Variants in CTNND2 observed in about 807,000 individuals in gnomAD.
CTNND2 encodes the protein catenin delta-2.
CTNND2 carries 22 observed loss-of-function variants against 144.4 expected under a neutral mutation model. The observed-to-expected ratio is 0.15, with a 90% CI of 0.11 to 0.22. The LOEUF is 0.22. CTNND2 is among the 10% of genes least tolerant of loss of function. The pLI is 1.00. For missense variants in CTNND2, 1,353 were observed against 1,618.8 expected (o/e 0.84, Z 2.82); for synonymous variants, 751 against 695.6 (o/e 1.08, Z -1.25).
chr5:11,660,973 A>T (rs1783170035), intron 2 of CTNND2, among the ~76,000 whole-genome samples: 1 of 152,166 alleles, frequency 6.6e-6, no homozygotes. Flanking sequence ...TTTCTGAAAC[A>T]TGGCTACTCA....
rs61750687 is a variant in CTNND2 at position 11,362,026 on chromosome 5, A to G, written c.1372+2670T>C. Among the ~76,000 whole-genome samples the G allele has an allele frequency of 7.9e-5, 12 of 152,286 alleles. No individual in the cohort carries two copies. The East Asian group carries it at 2.3e-3, about 29-fold the overall frequency. ...CCCTCAGCCACTCATCTGAGCTAAG[A>G]GCCAGAGACCATGAACATTTTCAGG... On this transcript the variant is annotated intron_variant, in intron 8 of 21. Transcript: ENST00000304623.
At chr5:11,185,385 C>T (rs910569903) in intron 11 of CTNND2, among the ~76,000 whole-genome samples, 5 of 152,200 alleles carry the variant, frequency 3.3e-5, no homozygotes, top group African/African-American at 9.6e-5. Context: ...CCTTGTAGTG[C>T]TGCTCAGGCA....
At chr5:11,489,850 C>T (rs184750638) in intron 3 of CTNND2, among the ~76,000 whole-genome samples, 2 of 152,240 alleles carry the variant, frequency 1.3e-5, no homozygotes, top group East Asian at 1.9e-4. Flanking sequence ...GAAACAACAA[C>T]TTAGTGAATG....
intron 2 of CTNND2, among the ~76,000 whole-genome samples, chr5:11,708,966 C>T (rs1164400598): frequency 1.3e-5 from 2 of 152,100 alleles, no homozygotes; most frequent in Non-Finnish European, 2.9e-5. Context: ...CTTTGAGATT[C>T]GCACAAATTG....
chr5:11,782,352 A>G (rs1202494167), intron 1 of CTNND2, among the ~76,000 whole-genome samples: 1 of 152,176 alleles, frequency 6.6e-6, no homozygotes, highest in Non-Finnish European at 1.5e-5. Context: ...AATACAAAAA[A>G]AAAGCTGACC....
At chr5:11,518,646 T>C (rs1772423935) in intron 3 of CTNND2, among the ~76,000 whole-genome samples, 1 of 152,200 alleles carries the variant, frequency 6.6e-6, no homozygotes, top group Admixed American at 6.5e-5. Flanking sequence ...AAATCTTTTA[T>C]ATTTTATACT....
intron 16 of CTNND2, among the ~76,000 whole-genome samples, chr5:11,050,267 T>C (rs2008348): frequency 0.018 from 2,806 of 152,170 alleles, 92 homozygotes; most frequent in African/African-American, 0.063. Flanking sequence ...CCCAGAAGTG[T>C]CCACCACCTC....
rs560320241 is a variant in CTNND2, at chr5:11,744,320, C to T, written c.38-12048G>A. ...CCCAGGCAAGCTTGTGACTTGAGAG[C>T]CAGAGCCAACACCACAGGTGAAGCA... On this transcript the variant is annotated intron_variant, in intron 1 of 21. Transcript: ENST00000304623. 3.9e-5 allele frequency among the ~76,000 whole-genome samples: 6 copies of T among 152,300 alleles called. No individual in the cohort carries two copies. In the South Asian group the frequency reaches 6.2e-4, roughly 16 times the overall value.
chr5:11,684,435 A>C (rs1784555270), intron 2 of CTNND2, among the ~76,000 whole-genome samples: 1 of 152,198 alleles, frequency 6.6e-6, no homozygotes, highest in African/African-American at 2.4e-5. Flanking sequence ...GAAATAGTGT[A>C]AATATTTAAT....
At chr5:11,359,902 G>A (rs1425055994) in intron 8 of CTNND2, among the ~76,000 whole-genome samples, 1 of 152,154 alleles carries the variant, frequency 6.6e-6, no homozygotes, top group Non-Finnish European at 1.5e-5. Context: ...AGTGAAATTT[G>A]TTTCTGTCAC....
At chr5:10,984,418 T>C (rs991777264) in intron 20 of CTNND2, among the ~76,000 whole-genome samples, 1 of 152,238 alleles carries the variant, frequency 6.6e-6, no homozygotes, top group Admixed American at 6.5e-5. Context: ...CAGAATTAAA[T>C]GCATATATTT....
intron 6 of CTNND2, 60 bp from the exon 7 acceptor site, chr5:11,385,289 C>T (rs936080731): frequency 2.0e-6 from 2 of 1,023,858 alleles, no homozygotes; most frequent in Admixed American, 5.6e-5. Flanking sequence ...ACGGCCCACC[C>T]GGCCCAGCCC....
At chr5:11,150,079 G>T (rs1561387072) in intron 12 of CTNND2, among the ~76,000 whole-genome samples, 1 of 152,194 alleles carries the variant, frequency 6.6e-6, no homozygotes, top group Non-Finnish European at 1.5e-5. Flanking sequence ...GCCCCACGGG[G>T]CTGTGCAGGA....
intron 10 of CTNND2, among the ~76,000 whole-genome samples, chr5:11,216,075 T>C (rs1299328049): frequency 2.0e-5 from 3 of 152,142 alleles, no homozygotes; most frequent in Non-Finnish European, 4.4e-5. Flanking sequence ...TGGTAAAAAA[T>C]CCTGAATCTT....
chr5:11,390,699 C>T (rs1001361924), intron 6 of CTNND2, among the ~76,000 whole-genome samples: 10 of 152,196 alleles, frequency 6.6e-5, no homozygotes, highest in South Asian at 6.2e-4. Context: ...GCTGGGCAGC[C>T]GGGCCAACAG....
rs1394477682 is a variant in CTNND2 at position 11,384,577 on chromosome 5, G to A, written c.1177+88C>T. The A allele has an allele frequency of 3.0e-5, 39 of 1,295,474 alleles. No individual in the cohort carries two copies. The highest frequency in any genetic ancestry group is 3.7e-5 in the Non-Finnish European group (36 of 960,902). 80.2% of individuals were successfully genotyped at this position (1,295,474 alleles called of 1,614,324 possible). A position where few individuals can be genotyped will look rare whatever the true frequency, so the allele number is the denominator to read the frequency against. On this transcript the variant is annotated intron_variant, in intron 7 of 21. Transcript: ENST00000304623. The surrounding 1 kb of genome is among the most constrained non-coding windows in gnomAD (Gnocchi z 5.2). ...CTACAACCTGGCAGACAGCGCGCCC[G>A]GCTTCGCTTCTGCTCAAGCCGGGCT...
intron 2 of CTNND2, among the ~76,000 whole-genome samples, chr5:11,672,405 C>G (rs534241173): frequency 6.6e-6 from 1 of 152,300 alleles, no homozygotes; most frequent in East Asian, 1.9e-4. Context: ...CCCAGGTGAT[C>G]CGTCCCAGGG....
At chr5:11,008,739 A>G (rs1740751523) in intron 18 of CTNND2, among the ~76,000 whole-genome samples, 2 of 152,190 alleles carry the variant, frequency 1.3e-5, no homozygotes, top group Non-Finnish European at 2.9e-5. Flanking sequence ...TCCAGATTAT[A>G]TAAGATTAGG....
intron 1 of CTNND2, among the ~76,000 whole-genome samples, chr5:11,825,793 T>C (rs928273309): frequency 2.0e-5 from 3 of 152,090 alleles, no homozygotes; most frequent in Admixed American, 2.0e-4. Flanking sequence ...AAGCAGACTT[T>C]TCCCCTGAAA....
Sources: allele counts gnomAD v4.1 joint callset (sites outside exome capture counted in the v4.1 genomes callset), GRCh38; gene constraint gnomAD v4.1.1; non-coding constraint Gnocchi (gnomAD v3.1); transcripts MANE v1.5; gene names NCBI Gene and HGNC (gene_info 2026-07-23, HGNC 2026-07-21).